JAKMIP2: variants seen among roughly 807,000 people sequenced by gnomAD.
The protein encoded by JAKMIP2 is janus kinase and microtubule interacting protein 2.
Under a neutral mutation model 115.0 loss-of-function variants are expected in JAKMIP2, and 25 were observed. The ratio of observed to expected loss-of-function variants is 0.22; its 90% CI spans 0.16 to 0.30. The LOEUF is 0.30. Ranked by LOEUF, JAKMIP2 falls within the 10% of genes least tolerant of loss-of-function variation. The pLI, the probability that JAKMIP2 is intolerant of heterozygous loss-of-function variation, is 1.00. For synonymous variants in JAKMIP2, 334 were observed against 343.6 expected (o/e 0.97, Z 0.31); for missense variants, 642 against 957.6 (o/e 0.67, Z 4.35).
At chr5:147,617,250 C>T (rs1561849726) in intron 19 of JAKMIP2, among the ~76,000 whole-genome samples, 1 of 152,172 alleles carries the variant, frequency 6.6e-6, no homozygotes, top group Non-Finnish European at 1.5e-5. Context: ...TGGAGTTCAG[C>T]AGACCTAGGC....
chr5:147,726,476 A>C (rs1753521982), intron 1 of JAKMIP2, among the ~76,000 whole-genome samples: 1 of 152,218 alleles, frequency 6.6e-6, no homozygotes, highest in African/African-American at 2.4e-5. Context: ...TGTGTGCATA[A>C]CTGGTTGAAT....
Position 147,685,804 on chromosome 5 carries a change from T to G in JAKMIP2, c.-148-13850A>C, listed in dbSNP as rs182002702. Among the ~76,000 whole-genome samples the G allele has an allele frequency of 2.0e-3, 306 of 152,352 alleles. 1 individual carries two copies. Among genetic ancestry groups the G allele is most frequent in the Non-Finnish European group, 3.7e-3 (250 of 68,038 alleles). On this transcript the variant is annotated intron_variant, in intron 1 of 21. Coordinates refer to ENST00000616793, the MANE Select transcript of JAKMIP2 (RefSeq NM_001270941.2). ...GATAGGTGTTCAAATAGCAGTAATT[T>G]TTTTTGAATGGCAGATGATCAGAGA...
chr5:147,764,997 A>AGAGAGAGAGAGAGAAAGG (rs1321878632), intron 1 of JAKMIP2, among the ~76,000 whole-genome samples: 3 of 121,486 alleles, frequency 2.5e-5, no homozygotes, highest in Non-Finnish European at 3.5e-5. Flanking sequence ...AGAGGGAGAG[A>AGAGAGAGAGAGAGAAAGG]GAGAGAGAGA....
At chr5:147,628,907 T>A in intron 15 of JAKMIP2, 91 bp from the exon 16 acceptor site, 3 of 774,178 alleles carry the variant, frequency 3.9e-6, no homozygotes, top group Non-Finnish European at 6.4e-6. Context: ...CAGAGCATTC[T>A]GTATAAGCCT....
At chr5:147,771,891 G>A (rs1755371110) in intron 1 of JAKMIP2, among the ~76,000 whole-genome samples, 1 of 152,048 alleles carries the variant, frequency 6.6e-6, no homozygotes, top group African/African-American at 2.4e-5. Flanking sequence ...TGCTGCTGCT[G>A]ATAATAATAT....
At chr5:147,632,943 C>A (rs1032239367) in intron 12 of JAKMIP2, 165 bp from the exon 13 acceptor site, 1 of 555,270 alleles carries the variant, frequency 1.8e-6, no homozygotes, top group Non-Finnish European at 3.2e-6. Context: ...GGCTTTCCTT[C>A]TAGTTATCCT....
At chr5:147,697,041 G>A (rs759511331) in intron 1 of JAKMIP2, among the ~76,000 whole-genome samples, 22 of 152,202 alleles carry the variant, frequency 1.4e-4, no homozygotes, top group Admixed American at 4.6e-4. Context: ...CCATTTTCTC[G>A]GGGAGAAATC....
intron 16 of JAKMIP2, 75 bp downstream of exon 16, chr5:147,628,676 C>T (rs1316444947): frequency 9.1e-7 from 1 of 1,098,616 alleles, no homozygotes; most frequent in East Asian, 2.4e-5. Flanking sequence ...AGGGAATGTC[C>T]TTCACACCCT....
chr5:147,732,865 T>C (rs930773596), intron 1 of JAKMIP2, among the ~76,000 whole-genome samples: 6 of 152,220 alleles, frequency 3.9e-5, no homozygotes, highest in Non-Finnish European at 8.8e-5. Flanking sequence ...TCTTTTATGG[T>C]ATTATGTTCT....
At chr5:147,689,103 G>A (rs1411136804) in intron 1 of JAKMIP2, among the ~76,000 whole-genome samples, 8 of 152,314 alleles carry the variant, frequency 5.3e-5, no homozygotes, top group African/African-American at 1.7e-4. Flanking sequence ...GGGGGAAAGC[G>A]TGCCAGGGTA....
At chr5:147,685,114 C>T (rs980160090) in intron 1 of JAKMIP2, among the ~76,000 whole-genome samples, 3 of 152,164 alleles carry the variant, frequency 2.0e-5, no homozygotes, top group Admixed American at 6.5e-5. Flanking sequence ...CAATCCCTTA[C>T]GCAAAGTCAC....
chr5:147,618,010 C>A lies in JAKMIP2; in HGVS notation c.2247G>T (p.Thr749=), dbSNP rs762987643. The change falls in exon 19 of 22, where the codon ACG becomes ACT. Residue 749 remains threonine, a synonymous_variant. Transcript: ENST00000616793. ...LSEKQQEELR[T]AVEKLRRQML... ...TTTGCCGCCGTAACTTTTCTACTGCCGTCCTCAGCTCCTCTTGCTGTTTTT... is the reference window on the plus strand; with the variant it reads ...TTTGCCGCCGTAACTTTTCTACTGCAGTCCTCAGCTCCTCTTGCTGTTTTT... 40 of 1,613,996 alleles carry A rather than the reference C, an allele frequency of 2.5e-5. No individual in the cohort carries two copies. Among genetic ancestry groups the A allele is most frequent in the Non-Finnish European group, 3.1e-5 (37 of 1,179,974 alleles).
At chr5:147,603,889 T>A (rs572257327) in intron 20 of JAKMIP2, among the ~76,000 whole-genome samples, 4 of 152,286 alleles carry the variant, frequency 2.6e-5, no homozygotes, top group African/African-American at 9.6e-5. Context: ...ATGGCTAGGG[T>A]GATGACGTTG....
intron 2 of JAKMIP2, among the ~76,000 whole-genome samples, chr5:147,668,458 C>G (rs1489467610): frequency 1.3e-5 from 2 of 152,222 alleles, no homozygotes; most frequent in South Asian, 4.1e-4. Context: ...AATCCTTTCT[C>G]TACCCAAGCC....
intron 1 of JAKMIP2, among the ~76,000 whole-genome samples, chr5:147,744,135 T>C (rs1291885036): frequency 6.6e-6 from 1 of 151,900 alleles, no homozygotes; most frequent in Non-Finnish European, 1.5e-5. Flanking sequence ...AAATATCAAA[T>C]AAATGAACGA....
chr5:147,750,674 C>A (rs751965143), intron 1 of JAKMIP2, among the ~76,000 whole-genome samples: 1 of 151,922 alleles, frequency 6.6e-6, no homozygotes, highest in South Asian at 2.1e-4. Context: ...AAAATTTATA[C>A]GTTGAAGCCT....
chr5:147,747,064 C>A (rs1754372261), intron 1 of JAKMIP2, among the ~76,000 whole-genome samples: 1 of 152,170 alleles, frequency 6.6e-6, no homozygotes, highest in African/African-American at 2.4e-5. Flanking sequence ...GAATGTCTTT[C>A]ACCCACTCTC....
At chr5:147,673,153 T>C (rs1433703507) in intron 1 of JAKMIP2, among the ~76,000 whole-genome samples, 1 of 152,076 alleles carries the variant, frequency 6.6e-6, no homozygotes, top group Admixed American at 6.5e-5. Flanking sequence ...ATCAGAATTG[T>C]GGCAAGAGGA....
intron 10 of JAKMIP2, among the ~76,000 whole-genome samples, chr5:147,639,131 A>G (rs984823279): frequency 6.6e-6 from 1 of 152,204 alleles, no homozygotes; most frequent in Non-Finnish European, 1.5e-5. Context: ...TATTTGGGGC[A>G]ATTCAATTAA....
Sources: allele counts gnomAD v4.1 joint callset (sites outside exome capture counted in the v4.1 genomes callset), GRCh38; gene constraint gnomAD v4.1.1; transcripts MANE v1.5; gene names NCBI Gene and HGNC (gene_info 2026-07-23, HGNC 2026-07-21).